Variants in AFDN observed in about 807,000 individuals in gnomAD.
AFDN encodes the protein afadin.
AFDN carries 68 observed loss-of-function variants against 216.6 expected under a neutral mutation model. That is an observed-to-expected ratio of 0.31 (90% CI 0.26 to 0.38). The LOEUF is 0.38. Ranked by LOEUF, AFDN falls within the 10% of genes least tolerant of loss-of-function variation. The pLI, the probability that AFDN is intolerant of heterozygous loss-of-function variation, is 1.00. For synonymous variants in AFDN, 868 were observed against 853.7 expected, an observed-to-expected ratio of 1.02 and a Z score of -0.29; for missense variants, 2,136 against 2,342.0, an observed-to-expected ratio of 0.91 and a Z score of 1.82.
chr6:167,837,200 A>G (rs1780541733), intron 1 of AFDN, among the ~76,000 whole-genome samples: 1 of 152,198 alleles, frequency 6.6e-6, no homozygotes, highest in Non-Finnish European at 1.5e-5. Context: ...TATTCTTGCA[A>G]ATATGATTAG....
rs1430637836 is a variant in AFDN at position 167,925,080 on chromosome 6, G to A, written c.3088G>A (p.Val1030Ile). ...KKQNGMGLSI[V>I]AAKGAGQDKL... ...GCAGAATGGAATGGGCCTTAGCATT[G>A]TTGCAGCAAAGGTAGGCCAATTAGT... is the stretch of plus-strand genomic sequence containing the variant. The change falls in exon 23 of 34, where the codon GTT (valine) becomes ATT (isoleucine). Residue 1030 changes from valine (V) to isoleucine (I), a missense_variant. Coordinates refer to ENST00000683244, the MANE Select transcript of AFDN (RefSeq NM_001386888.1). 6.2e-7 allele frequency: 1 copy of A among 1,612,728 alleles called. No homozygotes were observed. Among genetic ancestry groups the A allele is most frequent in the Non-Finnish European group, 8.5e-7 (1 of 1,178,708 alleles).
chr6:167,904,221 T>C (rs933035977), intron 12 of AFDN, among the ~76,000 whole-genome samples: 7 of 149,034 alleles, frequency 4.7e-5, no homozygotes, highest in African/African-American at 1.8e-4. Flanking sequence ...TTTTTTTTTT[T>C]CTTCCTGAGA....
At chr6:167,889,168 C>G in intron 6 of AFDN, 47 bp from the exon 7 acceptor site, 2 of 1,279,556 alleles carry the variant, frequency 1.6e-6, no homozygotes, top group Non-Finnish European at 2.3e-6. Flanking sequence ...TACTTGTTAA[C>G]TTAGTTACTT....
At chr6:167,859,854 C>G (rs1025874867) in intron 1 of AFDN, among the ~76,000 whole-genome samples, 1 of 150,842 alleles carries the variant, frequency 6.6e-6, no homozygotes, top group Non-Finnish European at 1.5e-5. Context: ...TGGAGTTGAC[C>G]TAAAGCAGTT....
At chr6:167,956,940 C>G (rs762087240) in intron 30 of AFDN, among the ~76,000 whole-genome samples, 2 of 152,196 alleles carry the variant, frequency 1.3e-5, no homozygotes, top group South Asian at 4.1e-4. Flanking sequence ...AGCAGTCTCA[C>G]GAGAATGTCC....
At chr6:167,935,624 A>G (rs1793900771) in intron 23 of AFDN, among the ~76,000 whole-genome samples, 1 of 152,228 alleles carries the variant, frequency 6.6e-6, no homozygotes, top group Non-Finnish European at 1.5e-5. Context: ...ATCCTGAATA[A>G]TTAGTTTTGC....
At chr6:167,861,832 C>G (rs1348608885) in intron 1 of AFDN, among the ~76,000 whole-genome samples, 1 of 152,140 alleles carries the variant, frequency 6.6e-6, no homozygotes, top group Non-Finnish European at 1.5e-5. Context: ...TTCTTGTCAT[C>G]CTTTGGTACA....
intron 30 of AFDN, among the ~76,000 whole-genome samples, chr6:167,960,488 A>G (rs1796932121): frequency 6.6e-6 from 1 of 152,184 alleles, no homozygotes; most frequent in Non-Finnish European, 1.5e-5. Context: ...CTCAGCGCTT[A>G]TTTTTAATTG....
intron 24 of AFDN, 32 bp from the exon 25 acceptor site, chr6:167,943,369 CT>C (rs755119329): frequency 4.1e-5 from 66 of 1,601,364 alleles, no homozygotes; most frequent in Non-Finnish European, 5.6e-5. Context: ...CTCTCTACCC[CT>C]AATCCATGCA....
intron 31 of AFDN, chr6:167,964,278 A>G: frequency 9.4e-7 from 1 of 1,064,100 alleles, no homozygotes; most frequent in African/African-American, 1.6e-5. Context: ...TGGGTAGAAT[A>G]AAGTTGTCTT....
intron 23 of AFDN, among the ~76,000 whole-genome samples, chr6:167,940,092 G>C (rs542302828): frequency 5.3e-5 from 8 of 152,332 alleles, no homozygotes; most frequent in Non-Finnish European, 1.0e-4. Flanking sequence ...GGACTATGGT[G>C]AATGATTTCT....
At chr6:167,913,498 A>G (rs1790669315) in intron 16 of AFDN, 75 bp downstream of exon 16, 1 of 1,360,810 alleles carries the variant, frequency 7.3e-7, no homozygotes, top group African/African-American at 1.4e-5. Context: ...ATGTCAAATA[A>G]GTAATACAAC....
In AFDN at chr6:167,951,154, C is replaced by A; in HGVS notation, c.3832-32C>A. 6.6e-7 allele frequency: 1 copy of A among 1,513,152 alleles called. No homozygotes were observed. 93.7% of individuals were successfully genotyped at this position (1,513,152 alleles called of 1,614,324 possible). On this transcript the variant is annotated intron_variant, in intron 29 of 33. Transcript: ENST00000683244. This position sits in a 1 kb window ranked among gnomAD's most constrained non-coding sequence, Gnocchi z 7.1. ...ATATTTGGTAATTTCTAGTAAATGG[C>A]TGAAATATAATAATTCTTTTTCTTT...
upstream of AFDN, chr6:167,826,603 A>G: frequency 1.9e-6 from 1 of 521,052 alleles, no homozygotes; most frequent in Non-Finnish European, 3.9e-6. Flanking sequence ...AGCACCACCC[A>G]TCGGACCCAG....
At chr6:167,894,022 C>T (rs892593365) in intron 9 of AFDN, 116 bp downstream of exon 9, 19 of 776,620 alleles carry the variant, frequency 2.4e-5, no homozygotes, top group African/African-American at 1.9e-4. Flanking sequence ...ATATAAATAA[C>T]CTATTTTAAG....
intron 1 of AFDN, among the ~76,000 whole-genome samples, chr6:167,836,318 G>C (rs1215818509): frequency 6.6e-6 from 1 of 152,178 alleles, no homozygotes; most frequent in African/African-American, 2.4e-5. Flanking sequence ...TCTGGCACTT[G>C]TCTGCCCCTT....
intron 26 of AFDN, among the ~76,000 whole-genome samples, chr6:167,945,400 T>G (rs977010768): frequency 6.6e-6 from 1 of 152,182 alleles, no homozygotes; most frequent in Non-Finnish European, 1.5e-5. Context: ...TACTTGACCA[T>G]TAACTCTTTT....
intron 19 of AFDN, among the ~76,000 whole-genome samples, chr6:167,915,941 A>G (rs1328971479): frequency 6.6e-6 from 1 of 152,190 alleles, no homozygotes; most frequent in Non-Finnish European, 1.5e-5. Context: ...AAATTGGAAA[A>G]ACTCCAAAAT....
Position 167,893,851 on chromosome 6 carries a change from C to A in AFDN, c.1178-11C>A. ...CCTTCACCTGGGTCCTGGCATGTGT[C>A]TTAACCCCAGGGAGAAGGAATCACT... On this transcript the variant is annotated splice_polypyrimidine_tract_variant and intron_variant, in intron 8 of 33. Transcript: ENST00000683244. 1 of 1,581,752 alleles carries A rather than the reference C, an allele frequency of 6.3e-7. No individual in the cohort carries two copies. Among genetic ancestry groups the A allele is most frequent in the African/African-American group, 1.3e-5 (1 of 74,652 alleles).
Sources: gnomAD v4.1 joint callset for allele counts (sites outside exome capture counted in the v4.1 genomes callset) on GRCh38, gnomAD v4.1.1 for gene constraint, Gnocchi (gnomAD v3.1) non-coding constraint, MANE v1.5 for transcripts, NCBI Gene and HGNC (gene_info 2026-07-23, HGNC 2026-07-21) for gene names.